MINDY2: variants seen among roughly 807,000 people sequenced by gnomAD.
MINDY2 encodes the protein ubiquitin carboxyl-terminal hydrolase MINDY-2.
Under a neutral mutation model 68.2 loss-of-function variants are expected in MINDY2, and 52 were observed. The ratio of observed to expected loss-of-function variants is 0.76; its 90% confidence interval spans 0.61 to 0.96. MINDY2 has a LOEUF of 0.96. Ranked by LOEUF, MINDY2 falls within the 40% of genes least tolerant of loss-of-function variation. The probability of loss-of-function intolerance (pLI) is 0.00; values close to 1 mark genes in which losing one functional copy is unlikely to be tolerated. For synonymous variants in MINDY2, 372 were observed against 303.0 expected, an observed-to-expected ratio of 1.23 and a Z score of -2.36; for missense variants, 881 against 773.4, an observed-to-expected ratio of 1.14 and a Z score of -1.65.
chr15:58,791,834 A>G (rs1901964083), intron 2 of MINDY2, among the ~76,000 whole-genome samples: 1 of 152,094 alleles, frequency 6.6e-6, no homozygotes, highest in South Asian at 2.1e-4. Context: ...GGGTGAGATC[A>G]TTAAGGGAAG....
At chr15:58,773,688 C>CT (rs534487704) in intron 1 of MINDY2, among the ~76,000 whole-genome samples, 87 of 145,238 alleles carry the variant, frequency 6.0e-4, no homozygotes, top group South Asian at 5.7e-3. Context: ...TTGAACCAAT[C>CT]TTTTTTTTTT....
chr15:58,774,293 G>A (rs1476951825), intron 1 of MINDY2, among the ~76,000 whole-genome samples: 1 of 152,208 alleles, frequency 6.6e-6, no homozygotes, highest in South Asian at 2.1e-4. Context: ...GACCACCCTG[G>A]CCAACATGGT....
intron 6 of MINDY2, among the ~76,000 whole-genome samples, chr15:58,833,078 CT>C (rs1161781234): frequency 6.6e-6 from 1 of 152,064 alleles, no homozygotes; most frequent in African/African-American, 2.4e-5. Flanking sequence ...TATAGCCATT[CT>C]TTTTGTTGTT....
intron 6 of MINDY2, among the ~76,000 whole-genome samples, chr15:58,835,562 A>T (rs1326723648): frequency 6.6e-6 from 1 of 152,184 alleles, no homozygotes; most frequent in Non-Finnish European, 1.5e-5. Flanking sequence ...CTGAGGCAGG[A>T]GAATCGCCAG....
chr15:58,853,548 C>T (rs370475639), intron 8 of MINDY2, among the ~76,000 whole-genome samples: 15 of 151,654 alleles, frequency 9.9e-5, no homozygotes, highest in African/African-American at 3.6e-4. Flanking sequence ...ATGGCTGGTG[C>T]GGTGGCTCAC....
At chr15:58,813,821 T>C (rs1468683455) in intron 4 of MINDY2, among the ~76,000 whole-genome samples, 1 of 152,070 alleles carries the variant, frequency 6.6e-6, no homozygotes, top group Non-Finnish European at 1.5e-5. Context: ...ACCAGTAACA[T>C]ATGAGTGATC....
At chr15:58,834,927 C>G (rs1408023652) in intron 6 of MINDY2, among the ~76,000 whole-genome samples, 1 of 152,166 alleles carries the variant, frequency 6.6e-6, no homozygotes, top group East Asian at 1.9e-4. Flanking sequence ...GATGTGGGCC[C>G]AGAGTCATCC....
chr15:58,813,747 A>AT (rs35800859), intron 4 of MINDY2, among the ~76,000 whole-genome samples: 38,324 of 145,778 alleles, frequency 0.26, 5,260 homozygotes, highest in East Asian at 0.62. Flanking sequence ...TAACTTGTGT[A>AT]TTTTTTTTTT....
chr15:58,802,941 C>T (rs999062642), intron 3 of MINDY2, among the ~76,000 whole-genome samples: 8 of 152,164 alleles, frequency 5.3e-5, no homozygotes, highest in Admixed American at 1.3e-4. Flanking sequence ...CTTCAGTATT[C>T]TTCCTTTACT....
intron 4 of MINDY2, among the ~76,000 whole-genome samples, chr15:58,821,353 T>C (rs1481204110): frequency 6.6e-6 from 1 of 151,838 alleles, no homozygotes; most frequent in Admixed American, 6.6e-5. Flanking sequence ...ACTTGATACT[T>C]TATGCTGGGA....
intron 6 of MINDY2, among the ~76,000 whole-genome samples, chr15:58,841,317 T>G (rs1267495684): frequency 6.6e-6 from 1 of 151,810 alleles, no homozygotes; most frequent in Non-Finnish European, 1.5e-5. Flanking sequence ...ATTTCAATTT[T>G]GGGGGCCAGA....
At chr15:58,835,388 C>T (rs2031943218) in intron 6 of MINDY2, among the ~76,000 whole-genome samples, 1 of 152,156 alleles carries the variant, frequency 6.6e-6, no homozygotes, top group African/African-American at 2.4e-5. Flanking sequence ...TGCGGTGTCT[C>T]ACGCCTGTAA....
chr15:58,794,815 G>T (rs1387970853), intron 2 of MINDY2, among the ~76,000 whole-genome samples: 1 of 152,142 alleles, frequency 6.6e-6, no homozygotes, highest in Non-Finnish European at 1.5e-5. Flanking sequence ...ATTTGCTAAT[G>T]GCAGACTATG....
intron 2 of MINDY2, among the ~76,000 whole-genome samples, chr15:58,792,671 G>A (rs1044793040): frequency 1.3e-4 from 20 of 152,206 alleles, no homozygotes; most frequent in African/African-American, 3.6e-4. Flanking sequence ...GGAAACAACC[G>A]AAATGTCTTA....
intron 6 of MINDY2, among the ~76,000 whole-genome samples, chr15:58,832,605 C>T (rs189206140): frequency 6.6e-6 from 1 of 151,458 alleles, no homozygotes; most frequent in Admixed American, 6.6e-5. Context: ...TTTCAGTTCA[C>T]CGCAACCTCC....
intron 6 of MINDY2, among the ~76,000 whole-genome samples, chr15:58,834,503 A>G (rs1595765045): frequency 1.3e-5 from 2 of 152,294 alleles, no homozygotes; most frequent in African/African-American, 4.8e-5. Context: ...AGAACCTACC[A>G]CCAACTCCAT....
chr15:58,782,931 T>TTTTTTTTTTTTTTTG (rs1901252706), intron 1 of MINDY2, among the ~76,000 whole-genome samples: 1 of 134,382 alleles, frequency 7.4e-6, no homozygotes, highest in Non-Finnish European at 1.6e-5. Context: ...TTTTTTTTTT[T>TTTTTTTTTTTTTTTG]TTTTTTGAGA....
intron 1 of MINDY2, among the ~76,000 whole-genome samples, chr15:58,774,799 A>G (rs1956910680): frequency 6.6e-6 from 1 of 152,216 alleles, no homozygotes; most frequent in African/African-American, 2.4e-5. Flanking sequence ...TGGAACCTTC[A>G]ACCTTGGTTG....
At position 58,771,811 on chromosome 15, in the gene MINDY2, G is replaced by T; in HGVS notation, c.416G>T (p.Cys139Phe). ...GCCCGCCCGGATCTCGCCGGCACCTGCCAAGCAGAACTGACCGCCGCCGGC... is the reference window on the plus strand; with the variant it reads ...GCCCGCCCGGATCTCGCCGGCACCTTCCAAGCAGAACTGACCGCCGCCGGC... ...AGARPDLAGT[C>F]QAELTAAGSE... The change falls in exon 1 of 9, where the codon TGC (cysteine) becomes TTC (phenylalanine). Residue 139 changes from cysteine to phenylalanine, a missense_variant. Physicochemically the swap from Cys to Phe is radical, Grantham distance 205. Coordinates refer to ENST00000559228, the MANE Select transcript of MINDY2 (RefSeq NM_001040450.3). 1 of 1,610,052 alleles carries T rather than the reference G, an allele frequency of 6.2e-7. No individual in the cohort carries two copies. The highest frequency in any genetic ancestry group is 8.5e-7 in the Non-Finnish European group (1 of 1,178,928).
Sources: allele counts gnomAD v4.1 joint callset (sites outside exome capture counted in the v4.1 genomes callset), GRCh38; gene constraint gnomAD v4.1.1; transcripts MANE v1.5; gene names NCBI Gene and HGNC (gene_info 2026-07-23, HGNC 2026-07-21).